The following HS3ST1 variants were observed in gnomAD, a reference collection of about 807,000 sequenced individuals.
HS3ST1 encodes the protein heparan sulfate glucosamine 3-O-sulfotransferase 1.
A neutral mutation model predicts 20.7 loss-of-function variants in HS3ST1; 8 were observed. The observed-to-expected ratio is 0.39, with a 90% CI of 0.23 to 0.70. HS3ST1 has a LOEUF of 0.70. HS3ST1 is among the 30% of genes least tolerant of loss of function. The pLI is 0.46. For missense variants in HS3ST1, 436 were observed against 423.4 expected, an observed-to-expected ratio of 1.03 and a Z score of -0.26; for synonymous variants, 205 against 190.4, an observed-to-expected ratio of 1.08 and a Z score of -0.63.
At chr4:11,405,835 A>G (rs544240853) in intron 1 of HS3ST1, among the ~76,000 whole-genome samples, 4 of 152,362 alleles carry the variant, frequency 2.6e-5, no homozygotes, top group East Asian at 3.9e-4. Context: ...TCCTTATTAC[A>G]TAATTCACAT....
intron 1 of HS3ST1, among the ~76,000 whole-genome samples, chr4:11,426,673 GCTGCTGTTGTAATTAACTGC>G (rs1281294379): frequency 6.6e-6 from 1 of 152,222 alleles, no homozygotes; most frequent in Non-Finnish European, 1.5e-5. Context: ...CTTCATCTAT[GCTGCTGTTGTAATTAACTGC>G]TTCCACTTAA....
rs1193221228 is a variant in HS3ST1 at position 11,399,836 on chromosome 4, G to A, written c.170C>T (p.Thr57Ile). ...GCCCTTGCGCACGCCGATGATGATG[G>A]TCTGCGGCAACTGCTGGGCAGAGCC... is the stretch of plus-strand genomic sequence containing the variant. ...PNGSAQQLPQ[T>I]IIIGVRKGGT... The change falls in exon 2 of 2, where the codon ACC becomes ATC. Residue 57 changes from threonine (T) to isoleucine (I), a missense_variant. Physicochemically the swap from Thr to Ile is moderately conservative, Grantham distance 89. Transcript: ENST00000002596. The surrounding 1 kb of genome is among the most constrained non-coding windows in gnomAD (Gnocchi z 5.1). The A allele has an allele frequency of 1.2e-6, 2 of 1,612,950 alleles. No homozygotes were observed.
chr4:11,423,263 G>A (rs535719593), intron 1 of HS3ST1, among the ~76,000 whole-genome samples: 131 of 152,206 alleles, frequency 8.6e-4, no homozygotes, highest in African/African-American at 1.8e-3. Flanking sequence ...GACAATAAAC[G>A]TGCTCAATAG....
chr4:11,396,060 A>G lies in HS3ST1; in HGVS notation c.*3022T>C, dbSNP rs1718136930. 6.6e-6 allele frequency: 1 copy of G among 152,172 alleles called. No homozygotes were observed. Among genetic ancestry groups the G allele is most frequent in the South Asian group, 2.1e-4 (1 of 4,824 alleles). 9.4% of individuals were successfully genotyped at this position (152,172 alleles called of 1,614,324 possible). ...TAGGGGATCAAAAAAGTAAAATTTT[A>G]ATGAATAATGGTGACCTGTGACACC... On this transcript the variant is annotated 3_prime_UTR_variant, in exon 2 of 2. Transcript: ENST00000002596.
intron 1 of HS3ST1, among the ~76,000 whole-genome samples, chr4:11,412,056 T>G (rs768649944): frequency 1.3e-5 from 2 of 152,168 alleles, no homozygotes; most frequent in Non-Finnish European, 2.9e-5. Flanking sequence ...CCACCAAATT[T>G]CAGTTTTTGT....
chr4:11,432,499 T>C (rs750191088), upstream of HS3ST1, among the ~76,000 whole-genome samples: 4 of 152,194 alleles, frequency 2.6e-5, no homozygotes, highest in Non-Finnish European at 5.9e-5. Flanking sequence ...GGGAAGCTTG[T>C]TGGGTATTGT....
At chr4:11,429,656 T>TG, upstream of HS3ST1, 1 of 138,864 alleles carries the variant, frequency 7.2e-6, no homozygotes, top group East Asian at 2.2e-4. Context: ...TTTTTTTTTT[T>TG]TTTTTTTTTT....
At chr4:11,410,986 A>C (rs142630470) in intron 1 of HS3ST1, among the ~76,000 whole-genome samples, 3 of 152,340 alleles carry the variant, frequency 2.0e-5, no homozygotes, top group African/African-American at 7.2e-5. Flanking sequence ...AAATCTCAGC[A>C]GTGTCACTTC....
chr4:11,416,941 T>C (rs1273743595), intron 1 of HS3ST1, among the ~76,000 whole-genome samples: 1 of 152,180 alleles, frequency 6.6e-6, no homozygotes, highest in East Asian at 1.9e-4. Context: ...AGGGAGAACG[T>C]ACAAAAGTTC....
At chr4:11,409,993 A>G (rs929868811) in intron 1 of HS3ST1, among the ~76,000 whole-genome samples, 1 of 152,214 alleles carries the variant, frequency 6.6e-6, no homozygotes, top group Non-Finnish European at 1.5e-5. Context: ...AAAAGTGCTG[A>G]TTTTTAGGAA....
At chr4:11,430,699 C>T (rs1390624095), upstream of HS3ST1, among the ~76,000 whole-genome samples, 3 of 152,188 alleles carry the variant, frequency 2.0e-5, no homozygotes, top group Non-Finnish European at 4.4e-5. Flanking sequence ...TACTCACCCA[C>T]TTAGTTCCCT....
At position 11,397,201 on chromosome 4, in the gene HS3ST1, C is replaced by T. The variant is rs928577293; in HGVS notation, c.*1881G>A. ...GAAAAGTACCATGTCCACCAGGGGC[C>T]TGCTGTAAATATTTCTGCTACTTCC... is the stretch of plus-strand genomic sequence containing the variant. On this transcript the variant is annotated 3_prime_UTR_variant, in exon 2 of 2. Transcript: ENST00000002596. 6.6e-6 allele frequency: 1 copy of T among 152,228 alleles called. No individual in the cohort carries two copies. The highest frequency in any genetic ancestry group is 2.4e-5 in the African/African-American group (1 of 41,444). 9.4% of individuals were successfully genotyped at this position (152,228 alleles called of 1,614,324 possible). A position where few individuals can be genotyped will look rare whatever the true frequency, so the allele number is the denominator to read the frequency against.
intron 1 of HS3ST1, among the ~76,000 whole-genome samples, chr4:11,407,673 G>A (rs1407545064): frequency 6.6e-6 from 1 of 152,242 alleles, no homozygotes; most frequent in Non-Finnish European, 1.5e-5. Context: ...ATTCGCATGA[G>A]AGGTAACTAA....
Position 11,399,848 on chromosome 4 carries a change from T to C in HS3ST1, c.158A>G (p.Gln53Arg). The part of the protein sequence containing the change: ...DGVAPNGSAQ[Q>R]LPQTIIIGVR... ...GCCGATGATGATGGTCTGCGGCAAC[T>C]GCTGGGCAGAGCCGTTTGGGGCCAC... Residue 53 changes from glutamine (Q) to arginine (R), a missense_variant, in exon 2 of 2, where the codon CAG becomes CGG. Physicochemically the swap from Gln to Arg is conservative, Grantham distance 43 (BLOSUM62 1). Transcript: ENST00000002596. This position sits in a 1 kb window ranked among gnomAD's most constrained non-coding sequence, Gnocchi z 5.1. 1 of 1,612,918 alleles carries C rather than the reference T, an allele frequency of 6.2e-7. No homozygotes were observed. Among genetic ancestry groups the C allele is most frequent in the Non-Finnish European group, 8.5e-7 (1 of 1,179,846 alleles).
chr4:11,412,462 A>T (rs1718662068), intron 1 of HS3ST1, among the ~76,000 whole-genome samples: 2 of 152,252 alleles, frequency 1.3e-5, no homozygotes, highest in Non-Finnish European at 2.9e-5. Context: ...ATTCCTAGCC[A>T]AAGTGATTAC....
Position 11,393,302 on chromosome 4 carries a change from G to A in HS3ST1, c.*5780C>T, listed in dbSNP as rs978766647. On this transcript the variant is annotated 3_prime_UTR_variant, in exon 2 of 2. Transcript: ENST00000002596. ...ATGCATTATACTATTTTGGTAGTCC[G>A]ATAAGCTAATAAAAGAGCCTACTAC... is the stretch of plus-strand genomic sequence containing the variant. The A allele has an allele frequency of 6.6e-6, 1 of 152,152 alleles. No individual in the cohort carries two copies. The highest frequency in any genetic ancestry group is 2.4e-5 in the African/African-American group (1 of 41,432). 9.4% of individuals were successfully genotyped at this position (152,152 alleles called of 1,614,324 possible).
intron 1 of HS3ST1, among the ~76,000 whole-genome samples, chr4:11,415,834 C>A (rs570447624): frequency 6.6e-6 from 1 of 152,220 alleles, no homozygotes. Flanking sequence ...AAACCAAACA[C>A]ATGGGTTTGT....
upstream of HS3ST1, among the ~76,000 whole-genome samples, chr4:11,434,044 T>C (rs1711530587): frequency 6.6e-6 from 1 of 152,228 alleles, no homozygotes; most frequent in South Asian, 2.1e-4. Flanking sequence ...CTATTGTCCC[T>C]GAAAACTGAT....
At chr4:11,400,214 C>T in intron 1 of HS3ST1, 101 bp from the exon 2 acceptor site, 1 of 978,826 alleles carries the variant, frequency 1.0e-6, no homozygotes, top group Non-Finnish European at 1.4e-6. Context: ...ATTCACCTCC[C>T]CAGGACTCTC....
Sources: allele counts gnomAD v4.1 joint callset (sites outside exome capture counted in the v4.1 genomes callset), GRCh38; gene constraint gnomAD v4.1.1; non-coding constraint Gnocchi (gnomAD v3.1); transcripts MANE v1.5; gene names NCBI Gene and HGNC (gene_info 2026-07-23, HGNC 2026-07-21).